The following TEX36 variants were observed in gnomAD, a reference collection of about 807,000 sequenced individuals.
The protein encoded by TEX36 is testis-expressed protein 36.
Under a neutral mutation model 13.6 loss-of-function variants are expected in TEX36, and 12 were observed. The ratio of observed to expected loss-of-function variants is 0.88; its 90% CI spans 0.56 to 1.43. The LOEUF (loss-of-function observed/expected upper bound fraction) is 1.43, where lower values mean the gene tolerates loss of function less well. TEX36 is among the 40% of genes most tolerant of loss of function. The probability of loss-of-function intolerance (pLI) is 0.00; values close to 1 mark genes in which losing one functional copy is unlikely to be tolerated. For synonymous variants in TEX36, 93 were observed against 83.0 expected (o/e 1.12, Z -0.65); for missense variants, 224 against 228.3 (o/e 0.98, Z 0.12).
chr10:125,601,590 C>G (rs1244392928), intron 3 of TEX36, among the ~76,000 whole-genome samples: 1 of 152,246 alleles, frequency 6.6e-6, no homozygotes, highest in Admixed American at 6.5e-5. Context: ...CAATGGTGCT[C>G]ACCAGCTTGC....
intron 3 of TEX36, among the ~76,000 whole-genome samples, chr10:125,627,248 A>G (rs952722781): frequency 6.6e-6 from 1 of 152,242 alleles, no homozygotes; most frequent in African/African-American, 2.4e-5. Flanking sequence ...CAGACACACT[A>G]CTTCAGAACA....
At position 125,675,322 on chromosome 10, in the gene TEX36, C is replaced by G. The variant is rs1396854385; in HGVS notation, c.51+7617G>C. ...TACAGCAATGGTGGCCACTCCTCCC[C>G]CTGGGAGCTCAGTTGTCTTAGCAGG... On this transcript the variant is annotated intron_variant, in intron 1 of 3. Transcript: ENST00000368821. Among the ~76,000 whole-genome samples the G allele has an allele frequency of 4.6e-5, 7 of 152,148 alleles. No homozygotes were observed. The East Asian group carries it at 1.4e-3, about 29-fold the overall frequency.
chr10:125,600,140 G>A (rs1236777520), intron 3 of TEX36, among the ~76,000 whole-genome samples: 1 of 152,226 alleles, frequency 6.6e-6, no homozygotes, highest in Non-Finnish European at 1.5e-5. Flanking sequence ...AGGATGGCAG[G>A]TAACTTATGA....
At chr10:125,635,332 A>C (rs776492469) in intron 3 of TEX36, among the ~76,000 whole-genome samples, 1 of 152,172 alleles carries the variant, frequency 6.6e-6, no homozygotes, top group Admixed American at 6.5e-5. Context: ...TTCTCATGCA[A>C]TCCTTAATTA....
intron 3 of TEX36, among the ~76,000 whole-genome samples, chr10:125,584,081 A>C (rs1340815239): frequency 1.3e-5 from 2 of 152,224 alleles, no homozygotes; most frequent in Non-Finnish European, 2.9e-5. Context: ...CTATGCAAAA[A>C]AGGTCCCACC....
chr10:125,630,706 GA>G (rs1043351486), intron 3 of TEX36, among the ~76,000 whole-genome samples: 2 of 152,152 alleles, frequency 1.3e-5, no homozygotes, highest in Non-Finnish European at 2.9e-5. Context: ...CTGTTAGGGG[GA>G]TGGCACCCGG....
chr10:125,613,501 A>G lies in TEX36; in HGVS notation c.265-36627T>C, dbSNP rs529317424. On this transcript the variant is annotated intron_variant, in intron 3 of 3. Coordinates refer to the TEX36 transcript ENST00000532135. Reference sequence around the variant, plus strand: ...TGTGTCCATGTGTTCTCATTGTTCAATTCTCACCTATGAGTTAGAATATGC... The same window carrying G: ...TGTGTCCATGTGTTCTCATTGTTCAGTTCTCACCTATGAGTTAGAATATGC... Among the ~76,000 whole-genome samples, 291 of 132,302 alleles carry G rather than the reference A, an allele frequency of 2.2e-3. 1 individual carries two copies. The Middle Eastern group carries it at 0.028, about 13-fold the overall frequency. The allele number at this position is 132,302 out of a possible 152,430, so 86.8% of individuals were successfully genotyped here. A position where few individuals can be genotyped will look rare whatever the true frequency, so the allele number is the denominator to read the frequency against.
At chr10:125,679,620 G>T (rs1184149811) in intron 1 of TEX36, among the ~76,000 whole-genome samples, 2 of 152,184 alleles carry the variant, frequency 1.3e-5, no homozygotes, top group Non-Finnish European at 2.9e-5. Context: ...CTTTCCCCAT[G>T]TTGGGAAGTC....
intron 3 of TEX36, among the ~76,000 whole-genome samples, chr10:125,586,331 C>T (rs1382486028): frequency 6.6e-6 from 1 of 152,124 alleles, no homozygotes; most frequent in Non-Finnish European, 1.5e-5. Flanking sequence ...AGGTAATGAA[C>T]AACCTAGATA....
At chr10:125,624,135 A>T (rs1846458492) in intron 3 of TEX36, among the ~76,000 whole-genome samples, 1 of 152,220 alleles carries the variant, frequency 6.6e-6, no homozygotes, top group African/African-American at 2.4e-5. Context: ...GTGAATTGTT[A>T]CAGGCTCAGA....
At chr10:125,583,867 G>A (rs1410951983) in intron 3 of TEX36, among the ~76,000 whole-genome samples, 1 of 152,108 alleles carries the variant, frequency 6.6e-6, no homozygotes, top group Admixed American at 6.5e-5. Context: ...TCCCATCCGT[G>A]TACTCCAGCC....
intron 3 of TEX36, among the ~76,000 whole-genome samples, chr10:125,624,830 G>A (rs920911931): frequency 5.9e-5 from 9 of 152,164 alleles, no homozygotes; most frequent in East Asian, 3.9e-4. Context: ...TGTCCTTTCC[G>A]CAAGCAAGCA....
At position 125,581,235 on chromosome 10, in the gene TEX36, C is replaced by G. The variant is rs556169729; in HGVS notation, c.265-4361G>C. Among the ~76,000 whole-genome samples the G allele has an allele frequency of 4.6e-5, 7 of 152,272 alleles. No individual in the cohort carries two copies. The East Asian group carries it at 1.2e-3, about 25-fold the overall frequency. On this transcript the variant is annotated intron_variant, in intron 3 of 3. Coordinates refer to the TEX36 transcript ENST00000532135. ...TAGGTTCCCAGGGGCAACCCTCAGTCGGGGACGGGAGTTGATTGACAAACA... is the reference window on the plus strand; with the variant it reads ...TAGGTTCCCAGGGGCAACCCTCAGTGGGGGACGGGAGTTGATTGACAAACA...
At chr10:125,599,434 A>G (rs979297039) in intron 3 of TEX36, among the ~76,000 whole-genome samples, 7 of 152,046 alleles carry the variant, frequency 4.6e-5, no homozygotes, top group Admixed American at 2.0e-4. Context: ...CTCTTTATTG[A>G]CGTTCATTCC....
downstream of TEX36, among the ~76,000 whole-genome samples, chr10:125,621,105 C>A (rs1433760623): frequency 6.6e-6 from 1 of 152,080 alleles, no homozygotes; most frequent in Admixed American, 6.6e-5. Context: ...GATACAGTAT[C>A]CCCAAATACC....
chr10:125,653,326 T>C (rs1589774822), downstream of TEX36, among the ~76,000 whole-genome samples: 1 of 152,122 alleles, frequency 6.6e-6, no homozygotes, highest in Non-Finnish European at 1.5e-5. Flanking sequence ...GATGAGTTCA[T>C]GTCCTTTGTA....
chr10:125,637,415 C>T (rs1315823598), intron 3 of TEX36, among the ~76,000 whole-genome samples: 2 of 152,036 alleles, frequency 1.3e-5, no homozygotes, highest in East Asian at 1.9e-4. Flanking sequence ...TGCAGAGTTT[C>T]CTTCCTTTTT....
At position 125,676,677 on chromosome 10, in the gene TEX36, G is replaced by GT. The variant is rs1847318801; in HGVS notation, c.51+6261dup. Among the ~76,000 whole-genome samples the GT allele has an allele frequency of 3.3e-5, 5 of 151,914 alleles. No homozygotes were observed. The South Asian group carries it at 1.0e-3, about 32-fold the overall frequency. ...CATGTTATTAAATTGTTTTCTTGTT[G>GT]TTTACATCTTCTTTCTTCCTTTCTT... is the stretch of plus-strand genomic sequence containing the variant. On this transcript the variant is annotated intron_variant, in intron 1 of 3. Coordinates refer to ENST00000368821, the MANE Select transcript of TEX36 (RefSeq NM_001128202.3).
intron 3 of TEX36, among the ~76,000 whole-genome samples, chr10:125,624,709 C>T (rs915984794): frequency 6.6e-6 from 1 of 150,646 alleles, no homozygotes; most frequent in Admixed American, 6.6e-5. Flanking sequence ...AAAGCAGCAG[C>T]AGAAACAGAA....
Sources: allele counts gnomAD v4.1 joint callset (sites outside exome capture counted in the v4.1 genomes callset), GRCh38; gene constraint gnomAD v4.1.1; transcripts MANE v1.5; gene names NCBI Gene and HGNC (gene_info 2026-07-23, HGNC 2026-07-21).